Variants in ZDHHC15 observed in about 807,000 individuals in gnomAD.
ZDHHC15 encodes zDHHC palmitoyltransferase 15.
Under a neutral mutation model 31.7 loss-of-function variants are expected in ZDHHC15, and 19 were observed. The observed-to-expected ratio is 0.60, with a 90% CI of 0.42 to 0.88. The LOEUF (loss-of-function observed/expected upper bound fraction) is 0.88. Ranked by LOEUF, ZDHHC15 falls within the 40% of genes least tolerant of loss-of-function variation. The probability of loss-of-function intolerance (pLI) is 0.00; values close to 1 mark genes in which losing one functional copy is unlikely to be tolerated. For missense variants in ZDHHC15, 209 were observed against 251.2 expected (o/e 0.83, Z 1.14); for synonymous variants, 103 against 90.0 (o/e 1.14, Z -0.82).
chrX:75,407,172 C>T (rs916769608), intron 10 of ZDHHC15, among the ~76,000 whole-genome samples: 1 of 111,124 alleles, frequency 9.0e-6, no homozygotes, highest in African/African-American at 3.3e-5. Context: ...AGTGCCTCTG[C>T]CTGGCCGCGA....
rs747621852 is a variant in ZDHHC15 at position 75,452,743 on chromosome X, C to T, written c.259-1821G>A. Among the ~76,000 whole-genome samples the T allele has an allele frequency of 3.6e-5, 4 of 111,731 alleles. No homozygotes were observed. The East Asian group carries it at 8.4e-4, about 23-fold the overall frequency. Reference sequence around the variant, plus strand: ...CAGGATTAAGAAACTCAGTCAAAACCGCACAACTACATGGAAACTGAACAA... The same window carrying T: ...CAGGATTAAGAAACTCAGTCAAAACTGCACAACTACATGGAAACTGAACAA... On this transcript the variant is annotated intron_variant, in intron 3 of 11. Coordinates refer to ENST00000373367, the MANE Select transcript of ZDHHC15 (RefSeq NM_144969.3).
chrX:75,382,053 C>T (rs1191405103), intron 10 of ZDHHC15, among the ~76,000 whole-genome samples: 1 of 112,031 alleles, frequency 8.9e-6, no homozygotes, highest in African/African-American at 3.2e-5. Flanking sequence ...TCACACATTG[C>T]TTAATGCAGA....
intron 5 of ZDHHC15, 36 bp from the exon 6 acceptor site, chrX:75,430,016 G>A (rs2083760948): frequency 8.4e-7 from 1 of 1,188,049 alleles, no homozygotes; most frequent in Admixed American, 2.2e-5. Context: ...GATAAGTGAG[G>A]CTATGGAAAT....
chrX:75,511,610 T>C (rs1303709642), intron 1 of ZDHHC15, among the ~76,000 whole-genome samples: 1 of 104,114 alleles, frequency 9.6e-6, no homozygotes, highest in African/African-American at 3.5e-5. Context: ...TTTTGGCTTT[T>C]GTTGCCATTG....
intron 3 of ZDHHC15, among the ~76,000 whole-genome samples, chrX:75,477,621 T>C (rs2084626164): frequency 8.9e-6 from 1 of 112,104 alleles, no homozygotes; most frequent in African/African-American, 3.2e-5. Flanking sequence ...TCTTCGTCTC[T>C]TGTAACATTT....
intron 2 of ZDHHC15, among the ~76,000 whole-genome samples, chrX:75,489,251 C>G: frequency 8.9e-6 from 1 of 111,896 alleles, no homozygotes; most frequent in East Asian, 2.8e-4. Context: ...TAGTGGTTCT[C>G]CCAGCACGCA....
intron 1 of ZDHHC15, among the ~76,000 whole-genome samples, chrX:75,518,804 TATACACAC>T (rs796849526): frequency 0.098 from 2,273 of 23,285 alleles, 24 homozygotes; most frequent in Non-Finnish European, 0.13. Flanking sequence ...TATATATATA[TATACACAC>T]ACACACACAC....
intron 3 of ZDHHC15, among the ~76,000 whole-genome samples, chrX:75,460,943 C>T (rs775026997): frequency 9.0e-6 from 1 of 111,661 alleles, no homozygotes; most frequent in South Asian, 3.8e-4. Flanking sequence ...GTTAAGATGC[C>T]TGAATTGACA....
intron 10 of ZDHHC15, among the ~76,000 whole-genome samples, chrX:75,384,039 G>A (rs1441234066): frequency 9.0e-6 from 1 of 110,712 alleles, no homozygotes; most frequent in Non-Finnish European, 1.9e-5. Flanking sequence ...ACCGCACCCG[G>A]CCAGAAATGT....
rs192501906 is a variant in ZDHHC15 at position 75,371,134 on chromosome X, T to C, written c.*1844A>G. 3.6e-5 allele frequency: 4 copies of C among 111,799 alleles called. No individual in the cohort carries two copies. Among genetic ancestry groups the C allele is most frequent in the Non-Finnish European group, 7.5e-5 (4 of 53,205 alleles). 9.2% of individuals were successfully genotyped at this position (111,799 alleles called of 1,213,427 possible). Reference sequence around the variant, plus strand: ...CTTGCTGTGTAGTAAGTAAAGGCCATACATGTAGAAAAAGGTGCATATCTA... The same window carrying C: ...CTTGCTGTGTAGTAAGTAAAGGCCACACATGTAGAAAAAGGTGCATATCTA... On this transcript the variant is annotated 3_prime_UTR_variant, in exon 12 of 12. Coordinates refer to ENST00000373367, the MANE Select transcript of ZDHHC15 (RefSeq NM_144969.3).
At chrX:75,424,039 C>T (rs2083682027) in intron 8 of ZDHHC15, among the ~76,000 whole-genome samples, 1 of 111,180 alleles carries the variant, frequency 9.0e-6, no homozygotes, top group African/African-American at 3.3e-5. Context: ...CACATAATAG[C>T]CTATAGACTA....
chrX:75,485,755 A>G (rs2084767745), intron 2 of ZDHHC15, among the ~76,000 whole-genome samples: 1 of 112,290 alleles, frequency 8.9e-6, no homozygotes. Context: ...TATACAATAG[A>G]CACTACCAAA....
At chrX:75,482,022 G>A (rs2084695940) in intron 2 of ZDHHC15, among the ~76,000 whole-genome samples, 2 of 111,860 alleles carry the variant, frequency 1.8e-5, no homozygotes, top group Non-Finnish European at 3.8e-5. Context: ...AAGGAATGAA[G>A]ATAATGGTGT....
intron 1 of ZDHHC15, among the ~76,000 whole-genome samples, chrX:75,511,692 G>A (rs897398428): frequency 9.6e-6 from 1 of 104,595 alleles, no homozygotes; most frequent in East Asian, 3.0e-4. Flanking sequence ...ATTCACAGCC[G>A]AATTCTACCA....
chrX:75,449,829 T>A (rs2084090282), intron 4 of ZDHHC15, among the ~76,000 whole-genome samples: 1 of 112,242 alleles, frequency 8.9e-6, no homozygotes, highest in Non-Finnish European at 1.9e-5. Context: ...TTCAAACTTT[T>A]TAACATATTC....
rs1473679014 is a variant in ZDHHC15 at position 75,429,985 on chromosome X, G to A, written c.450-5C>T. The A allele has an allele frequency of 5.0e-6, 6 of 1,205,442 alleles. No homozygotes were observed. The African/African-American group carries it at 7.0e-5, about 14-fold the overall frequency. ...TGATCCATTTTTAACACACACCTACGAAGGGGACAAAATACAGTGTGATAA... is the reference window on the plus strand; with the variant it reads ...TGATCCATTTTTAACACACACCTACAAAGGGGACAAAATACAGTGTGATAA... On this transcript the variant is annotated splice_region_variant and splice_polypyrimidine_tract_variant and intron_variant, in intron 5 of 11. Transcript: ENST00000373367.
At position 75,369,338 on chromosome X, in the gene ZDHHC15, TGTG is replaced by T. The variant is rs2082985848; in HGVS notation, c.*3637_*3639del. ...GTATGTGTGTGTGTGTGTGTGTGTG[TGTG>T]TGTGTACATGTGCATACATGTATGT... On this transcript the variant is annotated 3_prime_UTR_variant, in exon 12 of 12. Coordinates refer to ENST00000373367, the MANE Select transcript of ZDHHC15 (RefSeq NM_144969.3). The T allele has an allele frequency of 2.7e-5, 3 of 110,447 alleles. No individual in the cohort carries two copies. Among genetic ancestry groups the T allele is most frequent in the Non-Finnish European group, 5.7e-5 (3 of 52,830 alleles). The allele number at this position is 110,447 out of a possible 1,213,427, so 9.1% of individuals were successfully genotyped here.
At chrX:75,497,507 C>G (rs1361793315) in intron 2 of ZDHHC15, among the ~76,000 whole-genome samples, 1 of 111,038 alleles carries the variant, frequency 9.0e-6, no homozygotes, top group Non-Finnish European at 1.9e-5. Flanking sequence ...ATACCAAAAC[C>G]AGGAAAGGAC....
rs1354297415 is a variant in ZDHHC15 at position 75,486,568 on chromosome X, T to C, written c.164-7583A>G. ...GCCTGAGCCCTGCATGCTTTCTCACTGGGGAGGCTTGTAGCCTGGGGCAAG... is the reference window on the plus strand; with the variant it reads ...GCCTGAGCCCTGCATGCTTTCTCACCGGGGAGGCTTGTAGCCTGGGGCAAG... On this transcript the variant is annotated intron_variant, in intron 2 of 11. Coordinates refer to ENST00000373367, the MANE Select transcript of ZDHHC15 (RefSeq NM_144969.3). Among the ~76,000 whole-genome samples the C allele has an allele frequency of 2.0e-4, 23 of 112,211 alleles. No individual in the cohort carries two copies. The Admixed American group carries it at 2.2e-3, about 11-fold the overall frequency.
Sources: allele counts gnomAD v4.1 joint callset (sites outside exome capture counted in the v4.1 genomes callset), GRCh38; gene constraint gnomAD v4.1.1; transcripts MANE v1.5; gene names NCBI Gene and HGNC (gene_info 2026-07-23, HGNC 2026-07-21).